The following C1orf198 variants were observed in gnomAD, a reference collection of about 807,000 sequenced individuals.
C1orf198 encodes chromosome 1 open reading frame 198, also known as uncharacterized protein C1orf198.
C1orf198 carries 17 observed loss-of-function variants against 31.4 expected under a neutral mutation model. The observed-to-expected ratio is 0.54, with a 90% CI of 0.37 to 0.81. The LOEUF (loss-of-function observed/expected upper bound fraction) is 0.81, where lower values mean the gene tolerates loss of function less well. Ranked by LOEUF, C1orf198 falls within the 40% of genes least tolerant of loss-of-function variation. The probability of loss-of-function intolerance (pLI) is 0.00; values close to 1 mark genes in which losing one functional copy is unlikely to be tolerated. For missense variants in C1orf198, 401 were observed against 450.3 expected, an observed-to-expected ratio of 0.89 and a Z score of 0.99; for synonymous variants, 175 against 193.8, an observed-to-expected ratio of 0.90 and a Z score of 0.81.
At chr1:230,856,946 T>G (rs1181910840) in intron 1 of C1orf198, among the ~76,000 whole-genome samples, 1 of 152,196 alleles carries the variant, frequency 6.6e-6, no homozygotes, top group Non-Finnish European at 1.5e-5. Context: ...ACAGACCCTC[T>G]TCTTTCAGCT....
intron 2 of C1orf198, among the ~76,000 whole-genome samples, chr1:230,854,863 A>C (rs1202569): frequency 6.6e-6 from 1 of 151,866 alleles, no homozygotes; most frequent in Non-Finnish European, 1.5e-5. Context: ...AAACCAAAAA[A>C]CAAGTGCCTT....
At position 230,839,911 on chromosome 1, in the gene C1orf198, G is replaced by A. The variant is rs1043746090; in HGVS notation, c.928-3C>T. ...AAGACGACATTACTTGAGCTGACCT[G>A]TAGAAGGGACAAAAACATGGAAGTA... On this transcript the variant is annotated splice_region_variant and splice_polypyrimidine_tract_variant and intron_variant, in intron 3 of 3. Coordinates refer to ENST00000366663, the MANE Select transcript of C1orf198 (RefSeq NM_032800.3). 1.2e-6 allele frequency: 2 copies of A among 1,603,558 alleles called. No homozygotes were observed. The highest frequency in any genetic ancestry group is 1.7e-6 in the Non-Finnish European group (2 of 1,177,176).
At position 230,868,517 on chromosome 1, in the gene C1orf198, G is replaced by T. The variant is rs763926153; in HGVS notation, c.-5C>A. 9.0e-6 allele frequency: 12 copies of T among 1,335,016 alleles called. No homozygotes were observed. Among genetic ancestry groups the T allele is most frequent in the African/African-American group, 7.6e-5 (5 of 65,888 alleles). The allele number at this position is 1,335,016 out of a possible 1,614,324, so 82.7% of individuals were successfully genotyped here. On this transcript the variant is annotated 5_prime_UTR_variant, in exon 1 of 4. Transcript: ENST00000366663. Reference sequence around the variant, plus strand: ...CGCCGCCGCCATGGACGCCATGCCCGGCCTGCCCGCCGCTCCCGGCCCGCG... The same window carrying T: ...CGCCGCCGCCATGGACGCCATGCCCTGCCTGCCCGCCGCTCCCGGCCCGCG...
chr1:230,840,734 A>G lies in C1orf198; in HGVS notation c.928-826T>C, dbSNP rs548446076. ...AGAAACCTTGACTCTCCACCCTCCA[A>G]GCAGCCGGCCAGCAGAAAATGCATA... is the stretch of plus-strand genomic sequence containing the variant. On this transcript the variant is annotated intron_variant, in intron 3 of 3. Coordinates refer to ENST00000366663, the MANE Select transcript of C1orf198 (RefSeq NM_032800.3). The surrounding 1 kb of genome is among the most constrained non-coding windows in gnomAD (Gnocchi z 4.0). 2.4e-4 allele frequency among the ~76,000 whole-genome samples: 37 copies of G among 152,248 alleles called. 1 individual carries two copies. The highest frequency in any genetic ancestry group is 8.4e-4 in the African/African-American group (35 of 41,556).
chr1:230,854,056 T>C (rs1201923203), intron 2 of C1orf198, among the ~76,000 whole-genome samples: 1 of 152,226 alleles, frequency 6.6e-6, no homozygotes, highest in African/African-American at 2.4e-5. Context: ...CAGGAACATT[T>C]AACAAGCTAA....
At chr1:230,841,741 A>G (rs933111351) in intron 3 of C1orf198, among the ~76,000 whole-genome samples, 4 of 152,332 alleles carry the variant, frequency 2.6e-5, no homozygotes, top group Non-Finnish European at 5.9e-5. Context: ...AAAAGTAGAA[A>G]TAGAACCACC....
intron 1 of C1orf198, among the ~76,000 whole-genome samples, chr1:230,859,501 T>C (rs893744148): frequency 6.6e-6 from 1 of 152,244 alleles, no homozygotes; most frequent in East Asian, 1.9e-4. Context: ...CCATACCAAA[T>C]GGGCAGCACT....
intron 1 of C1orf198, among the ~76,000 whole-genome samples, chr1:230,862,751 C>T (rs1045217302): frequency 6.6e-6 from 1 of 152,134 alleles, no homozygotes; most frequent in Non-Finnish European, 1.5e-5. Context: ...ATTTTTAGGG[C>T]AGTGAAACTC....
chr1:230,868,129 G>A lies in C1orf198; in HGVS notation c.333+51C>T. 3.7e-6 allele frequency: 5 copies of A among 1,333,478 alleles called. No homozygotes were observed. The South Asian group carries it at 5.6e-5, about 15-fold the overall frequency. 82.6% of individuals were successfully genotyped at this position (1,333,478 alleles called of 1,614,324 possible). A position where few individuals can be genotyped will look rare whatever the true frequency, so the allele number is the denominator to read the frequency against. On this transcript the variant is annotated intron_variant, in intron 1 of 3. Transcript: ENST00000366663. ...CGGCAGGTGCCCACCGGGCCGGGGCGCCTCGGGGCGCCGGGAGGGGAAGAG... is the reference window on the plus strand; with the variant it reads ...CGGCAGGTGCCCACCGGGCCGGGGCACCTCGGGGCGCCGGGAGGGGAAGAG...
rs565037009 is a variant in C1orf198, at chr1:230,839,399, T to C, written c.*453A>G. 24 of 166,436 alleles carry C rather than the reference T, an allele frequency of 1.4e-4. No individual in the cohort carries two copies. The highest frequency in any genetic ancestry group is 2.2e-4 in the Non-Finnish European group (17 of 78,580). 10.3% of individuals were successfully genotyped at this position (166,436 alleles called of 1,614,324 possible). On this transcript the variant is annotated 3_prime_UTR_variant, in exon 4 of 4. Coordinates refer to ENST00000366663, the MANE Select transcript of C1orf198 (RefSeq NM_032800.3). ...AGTCTTTCCGGGGTCACAGCCAGCATGCTGATGTCATGGCTGATAACATCA... is the reference window on the plus strand; with the variant it reads ...AGTCTTTCCGGGGTCACAGCCAGCACGCTGATGTCATGGCTGATAACATCA...
chr1:230,868,284 G>A lies in C1orf198; in HGVS notation c.229C>T (p.Pro77Ser), dbSNP rs751211609. The change falls in exon 1 of 4, where the codon CCG becomes TCG. Residue 77 changes from proline (P) to serine (S), a missense_variant. Pro to Ser is a moderately conservative substitution (Grantham distance 74, BLOSUM62 -1). Coordinates refer to ENST00000366663, the MANE Select transcript of C1orf198 (RefSeq NM_032800.3). ...GGGTCTCGGGGCGCCGGGGCGCGCGGCCCCACCAGGCACCGGTCGATGATC... is the reference window on the plus strand; with the variant it reads ...GGGTCTCGGGGCGCCGGGGCGCGCGACCCCACCAGGCACCGGTCGATGATC... Reference protein sequence around the residue: ...DEIIDRCLVGPRAPAPRDPGD... With the variant: ...DEIIDRCLVGSRAPAPRDPGD... The A allele has an allele frequency of 1.3e-6, 2 of 1,592,564 alleles. No homozygotes were observed. The highest frequency in any genetic ancestry group is 2.8e-5 in the African/African-American group (2 of 72,060).
intron 2 of C1orf198, among the ~76,000 whole-genome samples, chr1:230,854,694 C>G (rs1306182812): frequency 1.3e-5 from 2 of 152,162 alleles, no homozygotes; most frequent in Non-Finnish European, 2.9e-5. Context: ...TGTCAGCTGT[C>G]CTTGTGTCCA....
chr1:230,866,069 A>G (rs1301809060), intron 1 of C1orf198, among the ~76,000 whole-genome samples: 1 of 152,090 alleles, frequency 6.6e-6, no homozygotes, highest in East Asian at 1.9e-4. Context: ...ATTTGGGGGT[A>G]CCTCTGTTCA....
At chr1:230,868,090 G>C in intron 1 of C1orf198, 90 bp downstream of exon 1, 2 of 1,244,640 alleles carry the variant, frequency 1.6e-6, no homozygotes, top group Non-Finnish European at 2.1e-6. Context: ...CTACCAGCTG[G>C]GGCGGCCTCA....
chr1:230,868,242 G>A lies in C1orf198; in HGVS notation c.271C>T (p.Leu91Phe), dbSNP rs1345949878. 2 of 1,558,882 alleles carry A rather than the reference G, an allele frequency of 1.3e-6. No homozygotes were observed. Among genetic ancestry groups the A allele is most frequent in the Non-Finnish European group, 1.7e-6 (2 of 1,154,558 alleles). ...CCGCGCAAGCCGGGGAAGCGCGTGA[G>A]CTCCTCCGAGTCCCCGGGGTCTCGG... ...APRDPGDSEE[L>F]TRFPGLRGPT... Residue 91 changes from leucine to phenylalanine, a missense_variant, in exon 1 of 4, where the codon CTC (leucine) becomes TTC (phenylalanine). Leu to Phe is a conservative substitution (Grantham distance 22). Transcript: ENST00000366663.
At chr1:230,864,590 G>A (rs1045878159) in intron 1 of C1orf198, among the ~76,000 whole-genome samples, 4 of 152,122 alleles carry the variant, frequency 2.6e-5, no homozygotes, top group South Asian at 2.1e-4. Flanking sequence ...AAAAATCCAC[G>A]TTCCACAACA....
chr1:230,853,434 A>G (rs1316445642), intron 2 of C1orf198, among the ~76,000 whole-genome samples: 1 of 152,078 alleles, frequency 6.6e-6, no homozygotes, highest in Non-Finnish European at 1.5e-5. Context: ...CTCTTCAAGC[A>G]GGATGGCAGG....
rs1298765417 is a variant in C1orf198, at chr1:230,840,761, A to G, written c.928-853T>C. ...CAGCCGGCCAGCAGAAAATGCATAC[A>G]TGGCGGCAAGAGCAGGCAATGGGCT... On this transcript the variant is annotated intron_variant, in intron 3 of 3. Transcript: ENST00000366663. This position sits in a 1 kb window ranked among gnomAD's most constrained non-coding sequence, Gnocchi z 4.0. Among the ~76,000 whole-genome samples, 1 of 152,202 alleles carries G rather than the reference A, an allele frequency of 6.6e-6. No individual in the cohort carries two copies. The highest frequency in any genetic ancestry group is 2.4e-5 in the African/African-American group (1 of 41,452).
intron 1 of C1orf198, among the ~76,000 whole-genome samples, chr1:230,862,387 G>C (rs1014209577): frequency 6.6e-6 from 1 of 152,164 alleles, no homozygotes; most frequent in African/African-American, 2.4e-5. Context: ...TTACCCAGAT[G>C]AACTGAAGAC....
Sources: allele counts gnomAD v4.1 joint callset (sites outside exome capture counted in the v4.1 genomes callset), GRCh38; gene constraint gnomAD v4.1.1; non-coding constraint Gnocchi (gnomAD v3.1); transcripts MANE v1.5; gene names NCBI Gene and HGNC (gene_info 2026-07-23, HGNC 2026-07-21).